Variants in PON2 observed in about 807,000 individuals in gnomAD.
PON2 encodes serum paraoxonase/arylesterase 2.
In PON2, 27 loss-of-function variants were observed where a neutral mutation model predicts 36.6. The observed-to-expected ratio is 0.74, with a 90% CI of 0.54 to 1.02. PON2 has a LOEUF of 1.02. PON2 is among the 50% of genes least tolerant of loss of function. PON2 has a pLI of 0.00. For missense variants in PON2, 363 were observed against 421.1 expected, an observed-to-expected ratio of 0.86 and a Z score of 1.21; for synonymous variants, 149 against 156.3, an observed-to-expected ratio of 0.95 and a Z score of 0.35.
chr7:95,434,996 G>C lies in PON2; in HGVS notation c.-45C>G. 1.3e-6 allele frequency: 2 copies of C among 1,490,492 alleles called. No individual in the cohort carries two copies. Among genetic ancestry groups the C allele is most frequent in the Non-Finnish European group, 1.8e-6 (2 of 1,124,988 alleles). The allele number at this position is 1,490,492 out of a possible 1,614,324, so 92.3% of individuals were successfully genotyped here. A position where few individuals can be genotyped will look rare whatever the true frequency, so the allele number is the denominator to read the frequency against. Reference sequence around the variant, plus strand: ...CTGCCTCGCTCCGGCCTGGCCAGCAGCTCCGTGGGCGGTGCCATCTTCCCG... The same window carrying C: ...CTGCCTCGCTCCGGCCTGGCCAGCACCTCCGTGGGCGGTGCCATCTTCCCG... On this transcript the variant is annotated 5_prime_UTR_variant, in exon 1 of 9. Transcript: ENST00000222572.
Position 95,416,234 on chromosome 7 carries a change from ACACT to A in PON2, c.201+4_201+7del. 1 of 1,610,586 alleles carries A rather than the reference ACACT, an allele frequency of 6.2e-7. No homozygotes were observed. Among genetic ancestry groups the A allele is most frequent in the Non-Finnish European group, 8.5e-7 (1 of 1,176,818 alleles). On this transcript the variant is annotated splice_donor_5th_base_variant and intron_variant, in intron 3 of 8. Coordinates refer to ENST00000222572, the MANE Select transcript of PON2 (RefSeq NM_000305.3). ...CTGCTGAATTTGGGGAAGGAAGAAG[ACACT>A]CACCACACTAAAAAAAGCCAGACCA...
chr7:95,415,949 T>C (rs1478716486), intron 3 of PON2: 3 of 436,404 alleles, frequency 6.9e-6, no homozygotes, highest in Non-Finnish European at 1.2e-5. Flanking sequence ...CAAGACTCCG[T>C]CTCAAAAAAT....
rs750197095 is a variant in PON2, at chr7:95,424,577, A to G, written c.83T>C (p.Leu28Pro). The change falls in exon 2 of 9, where the codon CTT becomes CCT. Residue 28 changes from leucine (L) to proline (P), a missense_variant. By Grantham distance (98) the Leu-to-Pro change is moderately conservative. Transcript: ENST00000222572. Reference protein sequence around the residue: ...GERLLALRNRLKASREVESVD... With the variant: ...GERLLALRNRPKASREVESVD... ...AGATTCTACTTCTCTGGAGGCTTTA[A>G]GTCGATTTCTGTTACAAAGAAAAAA... 6.8e-6 allele frequency: 11 copies of G among 1,612,416 alleles called. No individual in the cohort carries two copies. In the East Asian group the frequency reaches 2.2e-4, roughly 33 times the overall value.
chr7:95,411,577 T>C (rs898104536), intron 5 of PON2, 76 bp downstream of exon 5: 38 of 1,564,720 alleles, frequency 2.4e-5, no homozygotes, highest in Non-Finnish European at 3.1e-5. Flanking sequence ...TTATAAAAGA[T>C]GACAGGACAA....
At chr7:95,418,962 C>T (rs1789133314) in intron 2 of PON2, among the ~76,000 whole-genome samples, 1 of 152,160 alleles carries the variant, frequency 6.6e-6, no homozygotes, top group African/African-American at 2.4e-5. Flanking sequence ...GCAGTCCTAC[C>T]ACTTATCCTC....
intron 7 of PON2, 89 bp from the exon 8 acceptor site, chr7:95,406,336 A>G (rs762882044): frequency 2.2e-6 from 3 of 1,386,150 alleles, no homozygotes; most frequent in Non-Finnish European, 3.1e-6. Flanking sequence ...TATGCATGTG[A>G]GGAAATTACA....
At chr7:95,414,888 G>A (rs141186659) in intron 3 of PON2, among the ~76,000 whole-genome samples, 187 of 152,210 alleles carry the variant, frequency 1.2e-3, no homozygotes, top group African/African-American at 4.0e-3. Flanking sequence ...TGGTGTTTCT[G>A]CTAAAGCCCA....
intron 7 of PON2, 23 bp downstream of exon 7, chr7:95,406,964 A>C (rs1373953503): frequency 7.5e-7 from 1 of 1,336,944 alleles, no homozygotes. Flanking sequence ...ATTACTGTCT[A>C]TATGTAAAAA....
chr7:95,414,202 G>A (rs1262903357), intron 3 of PON2, among the ~76,000 whole-genome samples: 1 of 151,984 alleles, frequency 6.6e-6, no homozygotes, highest in East Asian at 1.9e-4. Flanking sequence ...TTAGTTTTGA[G>A]GTGACCCTCA....
chr7:95,424,621 T>A (rs772421401), intron 1 of PON2, 36 bp from the exon 2 acceptor site: 1 of 1,532,108 alleles, frequency 6.5e-7, no homozygotes, highest in South Asian at 1.1e-5. Flanking sequence ...AACAAAAAAC[T>A]ATTTGTTTAT....
chr7:95,412,089 T>G (rs992516201), intron 4 of PON2, among the ~76,000 whole-genome samples: 7 of 152,212 alleles, frequency 4.6e-5, no homozygotes, highest in African/African-American at 9.6e-5. Context: ...GATTATGAAA[T>G]CTAAACATTC....
intron 6 of PON2, among the ~76,000 whole-genome samples, chr7:95,408,012 G>C (rs1190582265): frequency 6.6e-6 from 1 of 152,212 alleles, no homozygotes; most frequent in Non-Finnish European, 1.5e-5. Flanking sequence ...CATGGAAATA[G>C]TAGAAAAGGG....
Position 95,424,496 on chromosome 7 carries a change from A to G in PON2, c.145+19T>C, listed in dbSNP as rs1789267633. 6.2e-7 allele frequency: 1 copy of G among 1,600,354 alleles called. No individual in the cohort carries two copies. The highest frequency in any genetic ancestry group is 1.7e-5 in the Admixed American group (1 of 59,958). On this transcript the variant is annotated intron_variant, in intron 2 of 8. Coordinates refer to ENST00000222572, the MANE Select transcript of PON2 (RefSeq NM_000305.3). Reference sequence around the variant, plus strand: ...GCCAAAAAATGCAATGTGCCCAACAAGCATTTTCATATACATACCAATTCC... The same window carrying G: ...GCCAAAAAATGCAATGTGCCCAACAGGCATTTTCATATACATACCAATTCC...
intron 2 of PON2, among the ~76,000 whole-genome samples, chr7:95,417,972 AAG>A (rs900742008): frequency 6.6e-6 from 1 of 152,164 alleles, no homozygotes; most frequent in African/African-American, 2.4e-5. Flanking sequence ...TAATTAAGGA[AAG>A]AGAAATCTTT....
At chr7:95,433,173 T>C (rs187906895) in intron 1 of PON2, among the ~76,000 whole-genome samples, 3 of 152,246 alleles carry the variant, frequency 2.0e-5, no homozygotes, top group Admixed American at 6.5e-5. Flanking sequence ...TTATTCCATA[T>C]CACATTTTAA....
rs746076829 is a variant in PON2, at chr7:95,434,983, G to C, written c.-32C>G. ...GGAGCCGGGCGCGCTGCCTCGCTCCGGCCTGGCCAGCAGCTCCGTGGGCGG... is the reference window on the plus strand; with the variant it reads ...GGAGCCGGGCGCGCTGCCTCGCTCCCGCCTGGCCAGCAGCTCCGTGGGCGG... On this transcript the variant is annotated 5_prime_UTR_variant, in exon 1 of 9. Transcript: ENST00000222572. 2.6e-5 allele frequency: 40 copies of C among 1,511,272 alleles called. 1 individual carries two copies. In the South Asian group the frequency reaches 4.1e-4, roughly 15 times the overall value. 93.6% of individuals were successfully genotyped at this position (1,511,272 alleles called of 1,614,324 possible). A position where few individuals can be genotyped will look rare whatever the true frequency, so the allele number is the denominator to read the frequency against.
intron 6 of PON2, chr7:95,409,522 T>C (rs1232588071): frequency 6.5e-6 from 1 of 152,688 alleles, no homozygotes; most frequent in Non-Finnish European, 1.5e-5. Context: ...AAATAATACA[T>C]TTATTTAAAA....
intron 1 of PON2, 65 bp from the exon 2 acceptor site, chr7:95,424,650 T>C: frequency 7.5e-7 from 1 of 1,324,762 alleles, no homozygotes; most frequent in Non-Finnish European, 1.1e-6. Context: ...TGCTTTGTTT[T>C]AGAAAGGGTT....
chr7:95,417,396 C>T (rs2299264), intron 2 of PON2, among the ~76,000 whole-genome samples: 40,739 of 151,908 alleles, frequency 0.27, 5,883 homozygotes, highest in South Asian at 0.36. Context: ...CATGGCATAG[C>T]GGAGGAGTTC....
Sources: allele counts gnomAD v4.1 joint callset (sites outside exome capture counted in the v4.1 genomes callset), GRCh38; gene constraint gnomAD v4.1.1; transcripts MANE v1.5; gene names NCBI Gene and HGNC (gene_info 2026-07-23, HGNC 2026-07-21).